Variants in GAB1 observed in about 807,000 individuals in gnomAD.
The protein encoded by GAB1 is GRB2 associated binding protein 1.
GAB1 carries 19 observed loss-of-function variants against 66.5 expected under a neutral mutation model. The observed-to-expected ratio is 0.29, with a 90% CI of 0.20 to 0.42. The LOEUF (loss-of-function observed/expected upper bound fraction) is 0.42, where lower values mean the gene tolerates loss of function less well. Among genes scored for constraint, GAB1 ranks in the 10% least tolerant of loss-of-function variants. GAB1 has a pLI of 1.00. For missense variants in GAB1, 732 were observed against 858.5 expected (o/e 0.85, Z 1.84); for synonymous variants, 294 against 301.4 (o/e 0.98, Z 0.25).
intron 1 of GAB1, among the ~76,000 whole-genome samples, chr4:143,380,108 G>A (rs78736144): frequency 0.024 from 3,616 of 150,364 alleles, 65 homozygotes; most frequent in African/African-American, 0.047. Context: ...CATTTAAATC[G>A]TGGGCCTCAG....
chr4:143,415,131 T>G (rs2149717469), intron 1 of GAB1, among the ~76,000 whole-genome samples: 1 of 152,356 alleles, frequency 6.6e-6, no homozygotes. Context: ...GCTTCATTCT[T>G]TTGCGTATGG....
At chr4:143,433,960 A>G in intron 3 of GAB1, 2 of 636,558 alleles carry the variant, frequency 3.1e-6, no homozygotes, top group Non-Finnish European at 5.2e-6. Context: ...TTTCCCTACA[A>G]GGCTCTTTTG....
chr4:143,419,585 T>C (rs759571021), intron 2 of GAB1, among the ~76,000 whole-genome samples: 1 of 152,160 alleles, frequency 6.6e-6, no homozygotes, highest in Non-Finnish European at 1.5e-5. Flanking sequence ...GGCTACCAAG[T>C]ACAGCTGTGT....
chr4:143,457,235 G>A lies in GAB1; in HGVS notation c.1586-2150G>A, dbSNP rs918010045. ...TAATATTACAAGGACGTAGGCCTTC[G>A]GGCTTTCATATGAGACACCAGATTT... On this transcript the variant is annotated intron_variant, in intron 6 of 9. Transcript: ENST00000262994. 5.3e-5 allele frequency among the ~76,000 whole-genome samples: 8 copies of A among 152,110 alleles called. No individual in the cohort carries two copies. The South Asian group carries it at 1.2e-3, about 24-fold the overall frequency.
At chr4:143,404,854 G>A (rs1013377271) in intron 1 of GAB1, among the ~76,000 whole-genome samples, 1 of 152,196 alleles carries the variant, frequency 6.6e-6, no homozygotes, top group African/African-American at 2.4e-5. Flanking sequence ...AGTTGCATCA[G>A]CCACTTTTCA....
At position 143,440,177 on chromosome 4, in the gene GAB1, C is replaced by T. The variant is rs1401007863; in HGVS notation, c.1380C>T (p.Ser460=). 1.2e-6 allele frequency: 2 copies of T among 1,613,986 alleles called. No individual in the cohort carries two copies. Among genetic ancestry groups the T allele is most frequent in the Non-Finnish European group, 1.7e-6 (2 of 1,179,994 alleles). The part of the protein sequence containing the change: ...MNPNSPPRQH[S]SSFTEPIQEA... Reference sequence around the variant, plus strand: ...CCAATTCACCACCACGACAACATTCCAGCAGTTTTACAGAACCAATTCAGG... The same window carrying T: ...CCAATTCACCACCACGACAACATTCTAGCAGTTTTACAGAACCAATTCAGG... The change falls in exon 6 of 10, where the codon TCC becomes TCT. Residue 460 remains serine, a synonymous_variant. Coordinates refer to ENST00000262994, the MANE Select transcript of GAB1 (RefSeq NM_002039.4).
chr4:143,412,345 T>A (rs536831407), intron 1 of GAB1, among the ~76,000 whole-genome samples: 68 of 152,332 alleles, frequency 4.5e-4, no homozygotes, highest in Admixed American at 1.9e-3. Context: ...GTATTGGAGC[T>A]CTTTTTCTCA....
intron 8 of GAB1, among the ~76,000 whole-genome samples, chr4:143,462,568 A>AT (rs34826439): frequency 6.2e-4 from 92 of 148,804 alleles, no homozygotes; most frequent in Middle Eastern, 3.5e-3. Flanking sequence ...TCAAAATACA[A>AT]TTTTTTTTTT....
intron 9 of GAB1, among the ~76,000 whole-genome samples, chr4:143,467,276 A>G (rs1444932388): frequency 6.6e-6 from 1 of 152,160 alleles, no homozygotes; most frequent in African/African-American, 2.4e-5. Flanking sequence ...CCTTGTAGAT[A>G]ATGTCTTTTC....
At chr4:143,359,261 A>T (rs1729566219) in intron 1 of GAB1, among the ~76,000 whole-genome samples, 1 of 152,246 alleles carries the variant, frequency 6.6e-6, no homozygotes. Flanking sequence ...CCCCTCATCC[A>T]GATGAGATGT....
At chr4:143,429,056 GTCTTA>G (rs1168390239) in intron 2 of GAB1, among the ~76,000 whole-genome samples, 1 of 152,080 alleles carries the variant, frequency 6.6e-6, no homozygotes, top group East Asian at 1.9e-4. Flanking sequence ...ATAGACTTTA[GTCTTA>G]TACTTGGCCC....
rs112832809 is a variant in GAB1, at chr4:143,440,037, C to T, written c.1282-42C>T. 1.8e-3 allele frequency: 2,735 copies of T among 1,551,362 alleles called. 57 individuals are homozygous for T. In the African/African-American group the frequency reaches 0.033, roughly 19 times the overall value. The stretch of plus-strand genomic sequence containing the variant: ...CTTACAATTGTGTTTTCATGTGTGA[C>T]AAGAGTTTTTGTTTATTAAAAGAAA... On this transcript the variant is annotated intron_variant, in intron 5 of 9. Transcript: ENST00000262994.
rs1240743383 is a variant in GAB1 at position 143,438,234 on chromosome 4, A to G, written c.829A>G (p.Ser277Gly). 2 of 1,614,008 alleles carry G rather than the reference A, an allele frequency of 1.2e-6. No homozygotes were observed. The highest frequency in any genetic ancestry group is 2.7e-5 in the African/African-American group (2 of 74,918). The stretch of plus-strand genomic sequence containing the variant: ...TGTTTTACCAAAGGTGTCTCCATCA[A>G]GTACTGAAGCAGATGGAGAACTCTA... The part of the protein sequence containing the change: ...HDVLPKVSPS[S>G]TEADGELYVF... Residue 277 changes from serine to glycine, a missense_variant, in exon 4 of 10, where the codon AGT becomes GGT. Coordinates refer to ENST00000262994, the MANE Select transcript of GAB1 (RefSeq NM_002039.4).
intron 1 of GAB1, among the ~76,000 whole-genome samples, chr4:143,362,996 T>A (rs1242093439): frequency 1.3e-5 from 2 of 152,250 alleles, no homozygotes; most frequent in Non-Finnish European, 2.9e-5. Flanking sequence ...CTCTGATTCA[T>A]ACAGCAGCCT....
At chr4:143,412,127 T>C (rs977469480) in intron 1 of GAB1, among the ~76,000 whole-genome samples, 8 of 152,206 alleles carry the variant, frequency 5.3e-5, no homozygotes, top group African/African-American at 1.7e-4. Context: ...TAAGGGCTTT[T>C]TGAATTGTAA....
chr4:143,462,027 G>T (rs1036868121), intron 8 of GAB1, among the ~76,000 whole-genome samples: 2 of 152,156 alleles, frequency 1.3e-5, no homozygotes, highest in Non-Finnish European at 2.9e-5. Flanking sequence ...GGCTGAAGCA[G>T]GAGGATCTCT....
rs368082738 is a variant in GAB1 at position 143,407,728 on chromosome 4, G to A, written c.73-7749G>A. Among the ~76,000 whole-genome samples, 3 of 152,232 alleles carry A rather than the reference G, an allele frequency of 2.0e-5. No individual in the cohort carries two copies. In the East Asian group the frequency reaches 5.8e-4, roughly 29 times the overall value. On this transcript the variant is annotated intron_variant, in intron 1 of 9. Coordinates refer to ENST00000262994, the MANE Select transcript of GAB1 (RefSeq NM_002039.4). ...TGGAGTGGAAACTTCCACCGAGCCT[G>A]TTTTTTCCTTATTTTGCTCTATGAG...
chr4:143,369,681 A>C lies in GAB1; in HGVS notation c.72+32421A>C, dbSNP rs186678865. Among the ~76,000 whole-genome samples the C allele has an allele frequency of 2.0e-5, 3 of 152,312 alleles. No individual in the cohort carries two copies. The East Asian group carries it at 5.8e-4, about 29-fold the overall frequency. ...TGATATTGTTGCATGATAACCTGAC[A>C]TTGCTTCCTGCTTCTGAAGGAATGA... On this transcript the variant is annotated intron_variant, in intron 1 of 9. Transcript: ENST00000262994.
chr4:143,413,818 G>A (rs565432724), intron 1 of GAB1, among the ~76,000 whole-genome samples: 138 of 114,186 alleles, frequency 1.2e-3, no homozygotes, highest in East Asian at 1.4e-3. Context: ...CCACCACCCC[G>A]CTGCCCTTTT....
Sources: allele counts gnomAD v4.1 joint callset (sites outside exome capture counted in the v4.1 genomes callset), GRCh38; gene constraint gnomAD v4.1.1; transcripts MANE v1.5; gene names NCBI Gene and HGNC (gene_info 2026-07-23, HGNC 2026-07-21).